PSMA4: variants seen among roughly 807,000 people sequenced by gnomAD.
The protein encoded by PSMA4 is proteasome subunit alpha type-4.
A neutral mutation model predicts 37.2 loss-of-function variants in PSMA4; 8 were observed. The observed-to-expected ratio is 0.22, with a 90% CI of 0.13 to 0.39. The LOEUF is 0.39. Among genes scored for constraint, PSMA4 ranks in the 10% least tolerant of loss-of-function variants. The pLI is 1.00. For missense variants in PSMA4, 169 were observed against 305.1 expected (o/e 0.55, Z 3.32); for synonymous variants, 93 against 98.8 (o/e 0.94, Z 0.35).
intron 8 of PSMA4, among the ~76,000 whole-genome samples, chr15:78,547,809 C>T (rs1311051097): frequency 1.3e-5 from 2 of 151,504 alleles, no homozygotes; most frequent in Admixed American, 6.6e-5. Context: ...TGCACTCCAG[C>T]GTGGGTGACA....
In PSMA4 at chr15:78,551,030, AC is replaced by A. The variant is rs2052636139; in HGVS notation, c.*2089del. ...CTTATTAACTCTGTCTGCAGAATTTACCCATAATCCAGCCACTTTCCACTGC... is the reference window on the plus strand; with the variant it reads ...CTTATTAACTCTGTCTGCAGAATTTACCATAATCCAGCCACTTTCCACTGC... On this transcript the variant is annotated 3_prime_UTR_variant, in exon 9 of 9. Coordinates refer to ENST00000044462, the MANE Select transcript of PSMA4 (RefSeq NM_002789.6). 3 of 152,152 alleles carry A rather than the reference AC, an allele frequency of 2.0e-5. No homozygotes were observed. In the South Asian group the frequency reaches 6.2e-4, roughly 32 times the overall value. The allele number at this position is 152,152 out of a possible 1,614,324, so 9.4% of individuals were successfully genotyped here.
At chr15:78,545,522 A>T in intron 6 of PSMA4, 112 bp from the exon 7 acceptor site, 1 of 1,246,116 alleles carries the variant, frequency 8.0e-7, no homozygotes, top group Non-Finnish European at 1.1e-6. Context: ...AAAACAGTTT[A>T]TGAATGCTTA....
chr15:78,540,632 A>G (rs373206896), intron 1 of PSMA4, 93 bp downstream of exon 1: 5 of 152,278 alleles, frequency 3.3e-5, no homozygotes, highest in African/African-American at 9.6e-5. Flanking sequence ...CCCGGCCTGC[A>G]GTTGCCGCCG....
rs1391074541 is a variant in PSMA4, at chr15:78,549,062, A to G, written c.*118A>G. ...GTGCAGTGGGAAAATAGGACATTAC[A>G]TACTGAATTGGGTCCTTGTCATTTC... On this transcript the variant is annotated 3_prime_UTR_variant, in exon 9 of 9. Transcript: ENST00000044462. 14 of 1,365,092 alleles carry G rather than the reference A, an allele frequency of 1.0e-5. No individual in the cohort carries two copies. The highest frequency in any genetic ancestry group is 1.3e-5 in the Non-Finnish European group (14 of 1,048,750). 84.6% of individuals were successfully genotyped at this position (1,365,092 alleles called of 1,614,324 possible).
chr15:78,549,841 T>C lies in PSMA4; in HGVS notation c.*897T>C, dbSNP rs2052619202. 6.6e-6 allele frequency: 1 copy of C among 152,294 alleles called. No homozygotes were observed. The highest frequency in any genetic ancestry group is 1.5e-5 in the Non-Finnish European group (1 of 68,070). The allele number at this position is 152,294 out of a possible 1,614,324, so 9.4% of individuals were successfully genotyped here. A position where few individuals can be genotyped will look rare whatever the true frequency, so the allele number is the denominator to read the frequency against. On this transcript the variant is annotated 3_prime_UTR_variant, in exon 9 of 9. Transcript: ENST00000044462. ...ATGCTGTATCGATTAACTCAAGCTC[T>C]GTGGTGGAACCCAGATATTAACATT... is the stretch of plus-strand genomic sequence containing the variant.
intron 5 of PSMA4, 114 bp downstream of exon 5, chr15:78,544,381 T>C (rs78406067): frequency 0.59 from 365,725 of 618,984 alleles, 116,937 homozygotes; most frequent in East Asian, 0.88. Flanking sequence ...AGTGGCACGA[T>C]CTTGGCTCAC....
At chr15:78,546,245 A>G (rs1011137533) in intron 7 of PSMA4, among the ~76,000 whole-genome samples, 1 of 152,138 alleles carries the variant, frequency 6.6e-6, no homozygotes, top group African/African-American at 2.4e-5. Context: ...GGAGTTCGAG[A>G]CCAGCCTGGG....
Position 78,546,284 on chromosome 15 carries a change from A to G in PSMA4, c.508-291A>G, listed in dbSNP as rs897192240. 2.0e-5 allele frequency among the ~76,000 whole-genome samples: 3 copies of G among 152,100 alleles called. No individual in the cohort carries two copies. In the South Asian group the frequency reaches 6.2e-4, roughly 32 times the overall value. On this transcript the variant is annotated intron_variant, in intron 7 of 8. Coordinates refer to ENST00000044462, the MANE Select transcript of PSMA4 (RefSeq NM_002789.6). ...CATAGCAGAACCCCATCTCTACAAA[A>G]AATACAAAAATTTGCTGGGCGCCAT...
At position 78,546,592 on chromosome 15, in the gene PSMA4, G is replaced by A. The variant is rs2052556878; in HGVS notation, c.525G>A (p.Leu175=). 2 of 1,589,282 alleles carry A rather than the reference G, an allele frequency of 1.3e-6. No individual in the cohort carries two copies. Among genetic ancestry groups the A allele is most frequent in the African/African-American group, 2.7e-5 (2 of 73,004 alleles). Residue 175 remains leucine (L), a synonymous_variant, in exon 8 of 9, where the codon TTG becomes TTA. Coordinates refer to ENST00000044462, the MANE Select transcript of PSMA4 (RefSeq NM_002789.6). The part of the protein sequence containing the change: ...GNNSAAAVSM[L]KQDYKEGEMT... ...TTTTATAGGCAGCTGTGTCAATGTT[G>A]AAACAAGACTATAAAGAAGGAGAAA... is the stretch of plus-strand genomic sequence containing the variant.
In PSMA4 at chr15:78,544,887, G is replaced by A. The variant is rs1182651518; in HGVS notation, c.306G>A (p.Gln102=). 1 of 1,609,088 alleles carries A rather than the reference G, an allele frequency of 6.2e-7. No individual in the cohort carries two copies. Among genetic ancestry groups the A allele is most frequent in the Non-Finnish European group, 8.5e-7 (1 of 1,175,944 alleles). The change falls in exon 6 of 9, where the codon CAG becomes CAA. Residue 102 remains glutamine, a synonymous_variant. Coordinates refer to ENST00000044462, the MANE Select transcript of PSMA4 (RefSeq NM_002789.6). ...LIAQRYLLQY[Q]EPIPCEQLVT... is the part of the protein sequence containing the mutation. ...ATCCTAGGTATTTATTACAGTATCA[G>A]GAGCCAATACCTTGTGAGCAGTTGG...
Position 78,551,836 on chromosome 15 carries a change from A to C in PSMA4, c.*2892A>C, listed in dbSNP as rs1411772099. 2 of 152,142 alleles carry C rather than the reference A, an allele frequency of 1.3e-5. No homozygotes were observed. The highest frequency in any genetic ancestry group is 4.8e-5 in the African/African-American group (2 of 41,436). The allele number at this position is 152,142 out of a possible 1,614,324, so 9.4% of individuals were successfully genotyped here. A position where few individuals can be genotyped will look rare whatever the true frequency, so the allele number is the denominator to read the frequency against. On this transcript the variant is annotated 3_prime_UTR_variant, in exon 9 of 9. Transcript: ENST00000044462. Reference sequence around the variant, plus strand: ...TGACTACCCCTTCAACATTTGCCTAAAGCTAGGACAACTTCTTCAAAGGCA... The same window carrying C: ...TGACTACCCCTTCAACATTTGCCTACAGCTAGGACAACTTCTTCAAAGGCA...
Position 78,542,172 on chromosome 15 carries a change from T to C in PSMA4, c.4-5T>C. 1 of 1,612,314 alleles carries C rather than the reference T, an allele frequency of 6.2e-7. No homozygotes were observed. The highest frequency in any genetic ancestry group is 8.5e-7 in the Non-Finnish European group (1 of 1,179,156). On this transcript the variant is annotated splice_region_variant and splice_polypyrimidine_tract_variant and intron_variant, in intron 2 of 8. Transcript: ENST00000044462. Reference sequence around the variant, plus strand: ...AGGAATCACTCATGTGTTTTTCCTTTGCAGTCTCGAAGATATGACTCCAGG... The same window carrying C: ...AGGAATCACTCATGTGTTTTTCCTTCGCAGTCTCGAAGATATGACTCCAGG...
chr15:78,543,512 C>G (rs1214751797), intron 4 of PSMA4, among the ~76,000 whole-genome samples: 1 of 151,274 alleles, frequency 6.6e-6, no homozygotes, highest in African/African-American at 2.4e-5. Context: ...TCACCTCTGT[C>G]AAGCCAGGCC....
chr15:78,544,079 G>A lies in PSMA4; in HGVS notation c.210-111G>A, dbSNP rs575065965. 3.4e-5 allele frequency: 25 copies of A among 739,570 alleles called. No homozygotes were observed. In the South Asian group the frequency reaches 4.7e-4, roughly 14 times the overall value. The allele number at this position is 739,570 out of a possible 1,614,324, so 45.8% of individuals were successfully genotyped here. On this transcript the variant is annotated intron_variant, in intron 4 of 8. Transcript: ENST00000044462. ...GTTTTTTCTGAAGGAAGTAGCTGTT[G>A]TGAAGCAAACATAGTGAATTTCTAA...
In PSMA4 at chr15:78,544,878, A is replaced by G. The variant is rs1461635894; in HGVS notation, c.297A>G (p.Leu99=). The G allele has an allele frequency of 6.2e-7, 1 of 1,602,636 alleles. No individual in the cohort carries two copies. The highest frequency in any genetic ancestry group is 8.5e-7 in the Non-Finnish European group (1 of 1,170,088). The stretch of plus-strand genomic sequence containing the variant: ...CATCTCTTTATCCTAGGTATTTATT[A>G]CAGTATCAGGAGCCAATACCTTGTG... ...ELRLIAQRYL[L]QYQEPIPCEQ... is the part of the protein sequence containing the mutation. Residue 99 remains leucine, a synonymous_variant, in exon 6 of 9, where the codon TTA becomes TTG. Transcript: ENST00000044462.
rs1024396474 is a variant in PSMA4, at chr15:78,546,827, G to A, written c.631+129G>A. 24 of 956,970 alleles carry A rather than the reference G, an allele frequency of 2.5e-5. No homozygotes were observed. In the East Asian group the frequency reaches 2.6e-4, roughly 10 times the overall value. The allele number at this position is 956,970 out of a possible 1,614,324, so 59.3% of individuals were successfully genotyped here. On this transcript the variant is annotated intron_variant, in intron 8 of 8. Transcript: ENST00000044462. ...TGTTGCCAGGCTGGAGTGCAGTGGCGCAATCTCAGCTCACTGCAACCTCCG... is the reference window on the plus strand; with the variant it reads ...TGTTGCCAGGCTGGAGTGCAGTGGCACAATCTCAGCTCACTGCAACCTCCG...
chr15:78,545,030 TA>T, intron 6 of PSMA4, 73 bp downstream of exon 6: 1 of 1,052,834 alleles, frequency 9.5e-7, no homozygotes. Flanking sequence ...TTTGAGGTAG[TA>T]AAAAATTGAA....
rs750046972 is a variant in PSMA4, at chr15:78,546,667, C to T, written c.600C>T (p.Thr200=). The T allele has an allele frequency of 2.5e-6, 4 of 1,602,026 alleles. No homozygotes were observed. The highest frequency in any genetic ancestry group is 3.4e-6 in the Non-Finnish European group (4 of 1,176,456). ...LALAIKVLNK[T]MDVSKLSAEK... Reference sequence around the variant, plus strand: ...TAGCTATCAAAGTACTAAATAAGACCATGGATGTTAGTAAACTCTCTGCTG... The same window carrying T: ...TAGCTATCAAAGTACTAAATAAGACTATGGATGTTAGTAAACTCTCTGCTG... The change falls in exon 8 of 9, where the codon ACC becomes ACT. Residue 200 remains threonine, a synonymous_variant. Coordinates refer to ENST00000044462, the MANE Select transcript of PSMA4 (RefSeq NM_002789.6).
At chr15:78,546,840 A>G (rs1567038140) in intron 8 of PSMA4, 142 bp downstream of exon 8, 1 of 844,550 alleles carries the variant, frequency 1.2e-6, no homozygotes, top group Non-Finnish European at 1.7e-6. Flanking sequence ...ATCTCAGCTC[A>G]CTGCAACCTC....
Sources: gnomAD v4.1 joint callset for allele counts (sites outside exome capture counted in the v4.1 genomes callset) on GRCh38, gnomAD v4.1.1 for gene constraint, MANE v1.5 for transcripts, NCBI Gene and HGNC (gene_info 2026-07-23, HGNC 2026-07-21) for gene names.